Variants in CPNE4 observed in about 807,000 individuals in gnomAD.
The protein encoded by CPNE4 is copine-4.
CPNE4 carries 25 observed loss-of-function variants against 67.9 expected under a neutral mutation model. The ratio of observed to expected loss-of-function variants is 0.37; its 90% confidence interval spans 0.27 to 0.51. The LOEUF (loss-of-function observed/expected upper bound fraction) is 0.51. Ranked by LOEUF, CPNE4 falls within the 20% of genes least tolerant of loss-of-function variation. The pLI is 0.93. For synonymous variants in CPNE4, 242 were observed against 244.9 expected, an observed-to-expected ratio of 0.99 and a Z score of 0.11; for missense variants, 464 against 690.8, an observed-to-expected ratio of 0.67 and a Z score of 3.68.
chr3:131,953,881 T>C (rs2071854954), intron 1 of CPNE4, among the ~76,000 whole-genome samples: 1 of 152,196 alleles, frequency 6.6e-6, no homozygotes, highest in Non-Finnish European at 1.5e-5. Flanking sequence ...TCAAAATATC[T>C]AAAAGATTTG....
intron 2 of CPNE4, among the ~76,000 whole-genome samples, chr3:131,778,242 A>G (rs1454349337): frequency 2.0e-5 from 3 of 152,056 alleles, no homozygotes; most frequent in African/African-American, 7.2e-5. Context: ...CTGCATGCAC[A>G]TTCTCAAGGC....
rs372840815 is a variant in CPNE4 at position 131,686,595 on chromosome 3, C to A, written c.508-637G>T. On this transcript the variant is annotated intron_variant, in intron 5 of 15. Transcript: ENST00000429747. ...AATTTCTTCAAATGTCTTTAAAGCC[C>A]CTATCCATTTCTGATTTCCTTTACT... 3.9e-5 allele frequency among the ~76,000 whole-genome samples: 6 copies of A among 152,124 alleles called. No homozygotes were observed. The East Asian group carries it at 1.2e-3, about 29-fold the overall frequency.
chr3:131,930,870 C>T (rs1313494362), intron 1 of CPNE4, among the ~76,000 whole-genome samples: 1 of 152,064 alleles, frequency 6.6e-6, no homozygotes, highest in Non-Finnish European at 1.5e-5. Flanking sequence ...ATAGGAGTTT[C>T]AGAAACAGGT....
chr3:131,831,056 G>C (rs2085350387), intron 2 of CPNE4, among the ~76,000 whole-genome samples: 1 of 151,830 alleles, frequency 6.6e-6, no homozygotes, highest in Non-Finnish European at 1.5e-5. Context: ...ATTTTACCTA[G>C]GAGTGGAGGA....
intron 14 of CPNE4, among the ~76,000 whole-genome samples, chr3:131,545,124 T>C (rs943896057): frequency 6.6e-6 from 1 of 152,220 alleles, no homozygotes; most frequent in Non-Finnish European, 1.5e-5. Flanking sequence ...AAAACAGCCA[T>C]AGACAATATT....
chr3:131,967,388 G>A (rs2072380943), intron 1 of CPNE4, among the ~76,000 whole-genome samples: 1 of 152,182 alleles, frequency 6.6e-6, no homozygotes, highest in Non-Finnish European at 1.5e-5. Context: ...TCAGGCAAGA[G>A]AAAGAAATAA....
chr3:131,911,993 G>A (rs1469639711), intron 1 of CPNE4, among the ~76,000 whole-genome samples: 2 of 152,280 alleles, frequency 1.3e-5, no homozygotes, highest in African/African-American at 4.8e-5. Context: ...GAGAAGCGGA[G>A]TAAACAAGTA....
At chr3:131,887,058 T>C (rs1467654890) in intron 2 of CPNE4, among the ~76,000 whole-genome samples, 1 of 152,194 alleles carries the variant, frequency 6.6e-6, no homozygotes. Context: ...TGGAATGATA[T>C]TGTTTGGCTC....
At chr3:131,672,773 C>T (rs1382102618) in intron 6 of CPNE4, among the ~76,000 whole-genome samples, 1 of 151,974 alleles carries the variant, frequency 6.6e-6, no homozygotes, top group African/African-American at 2.4e-5. Flanking sequence ...AATATTTTCT[C>T]TCATTCTGTG....
At chr3:131,667,706 A>T (rs143719833) in intron 7 of CPNE4, among the ~76,000 whole-genome samples, 49 of 150,822 alleles carry the variant, frequency 3.2e-4, no homozygotes, top group African/African-American at 1.1e-3. Flanking sequence ...TCAATCAATC[A>T]TCTATTTCCT....
chr3:132,031,670 GT>G (rs2074238869), intron 1 of CPNE4, among the ~76,000 whole-genome samples: 1 of 152,182 alleles, frequency 6.6e-6, no homozygotes. Context: ...GTAACATAAT[GT>G]TCTAGGGTGT....
intron 11 of CPNE4, among the ~76,000 whole-genome samples, chr3:131,563,016 T>A (rs1173137707): frequency 6.6e-6 from 1 of 152,068 alleles, no homozygotes; most frequent in Non-Finnish European, 1.5e-5. Context: ...TTACTGGTGA[T>A]GACCAAGCTG....
At chr3:132,018,518 T>C (rs1210848787) in intron 1 of CPNE4, among the ~76,000 whole-genome samples, 1 of 152,196 alleles carries the variant, frequency 6.6e-6, no homozygotes, top group Non-Finnish European at 1.5e-5. Flanking sequence ...AAATGACAAC[T>C]GAATTTTGAA....
At chr3:131,916,796 T>A (rs181455961) in intron 1 of CPNE4, among the ~76,000 whole-genome samples, 278 of 152,350 alleles carry the variant, frequency 1.8e-3, no homozygotes, top group Non-Finnish European at 1.6e-3. Flanking sequence ...TTAACTTTTT[T>A]AATTTAAATT....
intron 3 of CPNE4, among the ~76,000 whole-genome samples, chr3:131,712,729 G>A (rs1448362618): frequency 6.6e-6 from 1 of 152,186 alleles, no homozygotes; most frequent in Admixed American, 6.5e-5. Context: ...TCATGCTTTA[G>A]GGCTAGGACA....
chr3:131,974,144 A>G (rs2107621964), intron 1 of CPNE4, among the ~76,000 whole-genome samples: 1 of 152,308 alleles, frequency 6.6e-6, no homozygotes, highest in African/African-American at 2.4e-5. Context: ...TAAAAAGGGA[A>G]ACACTCTTGC....
At chr3:131,812,579 A>T (rs1420474702) in intron 2 of CPNE4, among the ~76,000 whole-genome samples, 1 of 152,244 alleles carries the variant, frequency 6.6e-6, no homozygotes, top group African/African-American at 2.4e-5. Context: ...AGGGCTAAAT[A>T]TCAAATATCA....
In CPNE4 at chr3:131,581,606, T is replaced by G. The variant is rs764949554; in HGVS notation, c.840A>C (p.Ser280=). The G allele has an allele frequency of 2.5e-6, 4 of 1,613,148 alleles. No individual in the cohort carries two copies. The highest frequency in any genetic ancestry group is 1.6e-4 in the Middle Eastern group (1 of 6,062). Residue 280 remains serine, a synonymous_variant, in exon 9 of 16, where the codon TCA becomes TCC. Coordinates refer to ENST00000429747, the MANE Select transcript of CPNE4 (RefSeq NM_130808.3). ...YKAKKKNYKN[S]GTVILNLCKI... ...TGCACAGATTCAGAATCACAGTGCC[T>G]GAGTTCTTGTAATTCTTCTTCTTGG...
intron 1 of CPNE4, among the ~76,000 whole-genome samples, chr3:131,992,346 T>G (rs1377477367): frequency 7.3e-6 from 1 of 136,718 alleles, no homozygotes; most frequent in Non-Finnish European, 1.7e-5. Context: ...GTGTGAGACA[T>G]GGGGTCAAAG....
Sources: gnomAD v4.1 joint callset for allele counts (sites outside exome capture counted in the v4.1 genomes callset) on GRCh38, gnomAD v4.1.1 for gene constraint, MANE v1.5 for transcripts, NCBI Gene and HGNC (gene_info 2026-07-23, HGNC 2026-07-21) for gene names.